FAT2: variants seen among roughly 807,000 people sequenced by gnomAD.
FAT2 encodes the protein protocadherin Fat 2.
A neutral mutation model predicts 295.3 loss-of-function variants in FAT2; 150 were observed. That is an observed-to-expected ratio of 0.51 (90% CI 0.44 to 0.58). FAT2 has a LOEUF of 0.58. Ranked by LOEUF, FAT2 falls within the 20% of genes least tolerant of loss-of-function variation. FAT2 has a pLI of 0.00. For missense variants in FAT2, 4,868 were observed against 5,442.7 expected (o/e 0.89, Z 3.32); for synonymous variants, 2,026 against 2,150.3 (o/e 0.94, Z 1.60).
intron 3 of FAT2, among the ~76,000 whole-genome samples, chr5:151,558,891 G>A (rs1245768186): frequency 6.6e-6 from 1 of 152,240 alleles, no homozygotes; most frequent in Non-Finnish European, 1.5e-5. Flanking sequence ...CAGGGGCCCA[G>A]AAGGTCATCC....
intron 18 of FAT2, among the ~76,000 whole-genome samples, chr5:151,522,917 G>A (rs372851117): frequency 6.6e-5 from 10 of 152,308 alleles, no homozygotes; most frequent in Non-Finnish European, 1.0e-4. Context: ...CCGTGAGGGT[G>A]ACAGGACCTC....
intron 19 of FAT2, among the ~76,000 whole-genome samples, chr5:151,519,228 C>T (rs2127577344): frequency 6.6e-6 from 1 of 152,314 alleles, no homozygotes; most frequent in Middle Eastern, 3.4e-3. Flanking sequence ...CCTGTAATTC[C>T]AGCTACTCAC....
In FAT2 at chr5:151,563,334, G is replaced by C. The variant is rs768913328; in HGVS notation, c.3565C>G (p.Pro1189Ala). Residue 1189 changes from proline to alanine, a missense_variant, in exon 3 of 24, where the codon CCT becomes GCT. Pro to Ala is a conservative substitution (Grantham distance 27). This residue lies in a region of FAT2 where 3,297 missense variants were observed against 3,669.4 expected (regional missense o/e 0.90). Transcript: ENST00000261800. The stretch of plus-strand genomic sequence containing the variant: ...CTTTTTGGATCCTTACCTGTAACAG[G>C]GTGAATCATAAAGAATCCCATGTAG... ...GNYMGFFMIH[P>A]VTGLLSTAQQ... is the part of the protein sequence containing the mutation. 1 of 1,613,938 alleles carries C rather than the reference G, an allele frequency of 6.2e-7. No individual in the cohort carries two copies. Among genetic ancestry groups the C allele is most frequent in the South Asian group, 1.1e-5 (1 of 91,042 alleles).
chr5:151,571,807 G>A (rs10039591), intron 1 of FAT2, among the ~76,000 whole-genome samples: 88,247 of 152,078 alleles, frequency 0.58, 25,857 homozygotes, highest in Middle Eastern at 0.62. Flanking sequence ...TTGTGTAAAC[G>A]TACATCAATT....
rs113451923 is a variant in FAT2 at position 151,531,877 on chromosome 5, G to A, written c.9521C>T (p.Pro3174Leu). ...TGGTGCCTGGGGCCTGACCTGCAGC[G>A]GCTTTTCCAGGCGGATCACCCCCGT... ...ATTGVIRLEK[P>L]LQVRPQAPLE... Residue 3174 changes from proline (P) to leucine (L), a missense_variant, in exon 14 of 24, where the codon CCG (proline) becomes CTG (leucine). Physicochemically the swap from Pro to Leu is moderately conservative, Grantham distance 98. Around this residue, in one of 5 missense-constraint regions of FAT2, gnomAD observed 1,046 missense variants for 1,210.1 expected, o/e 0.86. Coordinates refer to ENST00000261800, the MANE Select transcript of FAT2 (RefSeq NM_001447.3). The surrounding 1 kb of genome is among the most constrained non-coding windows in gnomAD (Gnocchi z 5.7). The A allele has an allele frequency of 6.8e-6, 11 of 1,614,156 alleles. No individual in the cohort carries two copies. The highest frequency in any genetic ancestry group is 5.0e-5 in the Admixed American group (3 of 60,028).
In FAT2 at chr5:151,524,982, T is replaced by C. The variant is rs549957799; in HGVS notation, c.10506+786A>G. On this transcript the variant is annotated intron_variant, in intron 18 of 23. Coordinates refer to ENST00000261800, the MANE Select transcript of FAT2 (RefSeq NM_001447.3). Reference sequence around the variant, plus strand: ...TGTTATTTCTTTCTTTATCTGTTTATTGTTTATCTCCATGATTACAATGGA... The same window carrying C: ...TGTTATTTCTTTCTTTATCTGTTTACTGTTTATCTCCATGATTACAATGGA... 2.0e-5 allele frequency among the ~76,000 whole-genome samples: 3 copies of C among 152,254 alleles called. No individual in the cohort carries two copies. The South Asian group carries it at 6.2e-4, about 32-fold the overall frequency.
rs1756038116 is a variant in FAT2 at position 151,540,676 on chromosome 5, G to A, written c.8930C>T (p.Thr2977Ile). 2.5e-6 allele frequency: 4 copies of A among 1,614,214 alleles called. No individual in the cohort carries two copies. The highest frequency in any genetic ancestry group is 2.2e-5 in the South Asian group (2 of 91,084). ...TGTGACTCTGAGCAAGTACTTGGCT[G>A]TATGCTCGCGGTCCAGGGTCTTCCT... The part of the protein sequence containing the change: ...SSRKTLDREH[T>I]AKYLLRVTAS... Residue 2977 changes from threonine to isoleucine, a missense_variant, in exon 11 of 24, where the codon ACA (threonine) becomes ATA (isoleucine). Around this residue, in one of 5 missense-constraint regions of FAT2, gnomAD observed 3,297 missense variants for 3,669.4 expected, o/e 0.90. Transcript: ENST00000261800.
chr5:151,545,967 A>C lies in FAT2; in HGVS notation c.5160T>G (p.His1720Gln), dbSNP rs766724151. ...TCAGCTGGTAAGACGAGATTTTCTC[A>C]TGGTCCAATTTCTTCTGGGTGGAAA... is the stretch of plus-strand genomic sequence containing the variant. ...GLISTQKKLD[H>Q]EKISSYQLKI... The change falls in exon 10 of 24, where the codon CAT becomes CAG. Residue 1720 changes from histidine (H) to glutamine (Q), a missense_variant. Physicochemically the swap from His to Gln is conservative, Grantham distance 24. Transcript: ENST00000261800. 1 of 1,614,140 alleles carries C rather than the reference A, an allele frequency of 6.2e-7. No individual in the cohort carries two copies. The highest frequency in any genetic ancestry group is 8.5e-7 in the Non-Finnish European group (1 of 1,180,014).
In FAT2 at chr5:151,544,543, G is replaced by A. The variant is rs1446567236; in HGVS notation, c.6584C>T (p.Ala2195Val). The A allele has an allele frequency of 4.3e-6, 7 of 1,613,832 alleles. No homozygotes were observed. Among genetic ancestry groups the A allele is most frequent in the Non-Finnish European group, 5.1e-6 (6 of 1,179,772 alleles). Residue 2195 changes from alanine (A) to valine (V), a missense_variant, in exon 10 of 24, where the codon GCC becomes GTC. Ala to Val is a moderately conservative substitution (Grantham distance 64). This residue lies in a region of FAT2 where 3,297 missense variants were observed against 3,669.4 expected (regional missense o/e 0.90). Transcript: ENST00000261800. ...TLYTPILHTQ[A>V]RSPEGLRLIY... ...GAGCCGGAGTCCCTCTGGACTCCGGGCCTGGGTGTGGAGAATTGGGGTATA... is the reference window on the plus strand; with the variant it reads ...GAGCCGGAGTCCCTCTGGACTCCGGACCTGGGTGTGGAGAATTGGGGTATA...
At chr5:151,575,979 A>T (rs1220787625) in intron 1 of FAT2, among the ~76,000 whole-genome samples, 1 of 152,232 alleles carries the variant, frequency 6.6e-6, no homozygotes, top group East Asian at 1.9e-4. Flanking sequence ...TGTGTCTACC[A>T]CATCGGACAG....
At chr5:151,583,553 G>A (rs1431282982) in intron 1 of FAT2, among the ~76,000 whole-genome samples, 1 of 152,150 alleles carries the variant, frequency 6.6e-6, no homozygotes, top group Non-Finnish European at 1.5e-5. Flanking sequence ...GAAGTGGTGA[G>A]TGACTGAAAA....
rs759208559 is a variant in FAT2, at chr5:151,566,139, C to A, written c.2793G>T (p.Arg931Ser). ...NSPQCITEHN[R>S]LKVPEDLPPG... Reference sequence around the variant, plus strand: ...GGGGCAGGTCCTCTGGAACCTTCAGCCTGTTGTGTTCTGTGATGCACTGGG... The same window carrying A: ...GGGGCAGGTCCTCTGGAACCTTCAGACTGTTGTGTTCTGTGATGCACTGGG... Residue 931 changes from arginine (R) to serine (S), a missense_variant, in exon 2 of 24, where the codon AGG becomes AGT. Transcript: ENST00000261800. The A allele has an allele frequency of 6.2e-7, 1 of 1,614,120 alleles. No individual in the cohort carries two copies. Among genetic ancestry groups the A allele is most frequent in the South Asian group, 1.1e-5 (1 of 91,068 alleles).
intron 19 of FAT2, among the ~76,000 whole-genome samples, chr5:151,518,967 G>C (rs1022427667): frequency 5.3e-5 from 8 of 152,316 alleles, no homozygotes; most frequent in African/African-American, 1.9e-4. Context: ...ACCTAGCAAA[G>C]AGGAATTGTT....
At chr5:151,577,821 G>C (rs907532002) in intron 1 of FAT2, among the ~76,000 whole-genome samples, 1 of 152,116 alleles carries the variant, frequency 6.6e-6, no homozygotes, top group Non-Finnish European at 1.5e-5. Context: ...AGGGTTGTCT[G>C]TACGGATCTA....
intron 4 of FAT2, among the ~76,000 whole-genome samples, chr5:151,555,411 C>T (rs1164088060): frequency 1.4e-5 from 2 of 147,186 alleles, no homozygotes; most frequent in African/African-American, 5.1e-5. Flanking sequence ...CGCTCTATCG[C>T]CCAGGCTGGA....
intron 1 of FAT2, among the ~76,000 whole-genome samples, chr5:151,569,263 T>G (rs796090072): frequency 7.2e-5 from 11 of 152,310 alleles, no homozygotes; most frequent in African/African-American, 2.6e-4. Context: ...CCGTTCCACA[T>G]GACTGGGGAG....
At position 151,567,495 on chromosome 5, in the gene FAT2, A is replaced by C; in HGVS notation, c.1437T>G (p.Ala479=). 1 of 1,614,144 alleles carries C rather than the reference A, an allele frequency of 6.2e-7. No homozygotes were observed. The highest frequency in any genetic ancestry group is 8.5e-7 in the Non-Finnish European group (1 of 1,180,018). Residue 479 remains alanine (A), a synonymous_variant, in exon 2 of 24, where the codon GCT becomes GCG. Coordinates refer to ENST00000261800, the MANE Select transcript of FAT2 (RefSeq NM_001447.3). Reference sequence around the variant, plus strand: ...CATGATCCCGGTCAGTGGCAGTCACAGCCAAAACACTGGTGCCTGGAGGGA... The same window carrying C: ...CATGATCCCGGTCAGTGGCAGTCACCGCCAAAACACTGGTGCCTGGAGGGA... ...ENIPPGTSVL[A]VTATDRDHGE...
chr5:151,543,995 C>T lies in FAT2; in HGVS notation c.7132G>A (p.Glu2378Lys), dbSNP rs1238302996. The T allele has an allele frequency of 1.2e-6, 2 of 1,613,926 alleles. No individual in the cohort carries two copies. Among genetic ancestry groups the T allele is most frequent in the Non-Finnish European group, 1.7e-6 (2 of 1,180,002 alleles). ...NVSDINDNPP[E>K]FRQPQYEANV... ...GCTTCATATTGAGGTTGTCTGAACT[C>T]TGGGGGGTTGTCATTGATATCAGAC... is the stretch of plus-strand genomic sequence containing the variant. Residue 2378 changes from glutamate (E) to lysine (K), a missense_variant, in exon 10 of 24, where the codon GAG (glutamate) becomes AAG (lysine). Around this residue, in one of 5 missense-constraint regions of FAT2, gnomAD observed 3,297 missense variants for 3,669.4 expected, o/e 0.90. Transcript: ENST00000261800.
chr5:151,533,393 AACACACAC>A lies in FAT2; in HGVS notation c.9427+1008_9427+1015del, dbSNP rs36215342. Among the ~76,000 whole-genome samples, 263 of 132,182 alleles carry A rather than the reference AACACACAC, an allele frequency of 2.0e-3. 1 individual carries two copies. The highest frequency in any genetic ancestry group is 7.7e-3 in the Middle Eastern group (2 of 260). The allele number at this position is 132,182 out of a possible 152,430, so 86.7% of individuals were successfully genotyped here. On this transcript the variant is annotated intron_variant, in intron 13 of 23. Transcript: ENST00000261800. Reference sequence around the variant, plus strand: ...TATTCCACTTGCACTTGTTATCTCCAACACACACACACACACACACACACACACACACA... The same window carrying A: ...TATTCCACTTGCACTTGTTATCTCCAACACACACACACACACACACACACA...
Sources: gnomAD v4.1 joint callset for allele counts (sites outside exome capture counted in the v4.1 genomes callset) on GRCh38, gnomAD v4.1.1 for gene constraint, gnomAD v4.1.1 regional missense constraint, Gnocchi (gnomAD v3.1) non-coding constraint, MANE v1.5 for transcripts, NCBI Gene and HGNC (gene_info 2026-07-23, HGNC 2026-07-21) for gene names.